THRB: variants seen among roughly 807,000 people sequenced by gnomAD.
THRB encodes the protein thyroid hormone receptor beta.
A neutral mutation model predicts 47.8 loss-of-function variants in THRB; 12 were observed. That is an observed-to-expected ratio of 0.25 (90% CI 0.16 to 0.41). The LOEUF is 0.41. THRB is among the 10% of genes least tolerant of loss of function. The pLI is 1.00. For missense variants in THRB, 348 were observed against 589.2 expected (o/e 0.59, Z 4.24); for synonymous variants, 218 against 212.2 (o/e 1.03, Z -0.24).
chr3:24,229,584 T>C (rs2048043111), intron 3 of THRB, among the ~76,000 whole-genome samples: 1 of 152,156 alleles, frequency 6.6e-6, no homozygotes, highest in Non-Finnish European at 1.5e-5. Flanking sequence ...ACTACCTTAA[T>C]GAGATCCAAG....
At chr3:24,332,929 C>CA (rs1242701638) in intron 2 of THRB, among the ~76,000 whole-genome samples, 1 of 151,896 alleles carries the variant, frequency 6.6e-6, no homozygotes, top group African/African-American at 2.4e-5. Flanking sequence ...ACTAAAAATA[C>CA]AAAAAATTAG....
At chr3:24,247,543 T>C (rs1315798737) in intron 3 of THRB, among the ~76,000 whole-genome samples, 2 of 152,224 alleles carry the variant, frequency 1.3e-5, no homozygotes, top group African/African-American at 2.4e-5. Flanking sequence ...CTTTATGCTC[T>C]AAATCACTAA....
At chr3:24,139,157 C>T (rs902430225) in intron 8 of THRB, among the ~76,000 whole-genome samples, 1 of 152,056 alleles carries the variant, frequency 6.6e-6, no homozygotes, top group Non-Finnish European at 1.5e-5. Flanking sequence ...ATTTCTGTAG[C>T]CTCAGAGATT....
At chr3:24,407,038 A>G (rs1272887519) in intron 1 of THRB, among the ~76,000 whole-genome samples, 1 of 151,872 alleles carries the variant, frequency 6.6e-6, no homozygotes, top group African/African-American at 2.4e-5. Context: ...GAAAAGGTCA[A>G]CTTCTGGGGC....
intron 9 of THRB, among the ~76,000 whole-genome samples, chr3:24,131,482 T>C (rs2033853555): frequency 6.6e-6 from 1 of 152,226 alleles, no homozygotes; most frequent in Non-Finnish European, 1.5e-5. Context: ...GTATGAGTCA[T>C]TGCTACTGCA....
intron 4 of THRB, among the ~76,000 whole-genome samples, chr3:24,225,698 G>T (rs544927740): frequency 6.6e-6 from 1 of 152,084 alleles, no homozygotes; most frequent in East Asian, 1.9e-4. Context: ...TGAGGATCAC[G>T]GTTTTATTAA....
intron 1 of THRB, among the ~76,000 whole-genome samples, chr3:24,488,215 T>C (rs1317592417): frequency 6.6e-6 from 1 of 152,216 alleles, no homozygotes; most frequent in Non-Finnish European, 1.5e-5. Context: ...ATGACTTTCT[T>C]ATAAATGCCT....
At chr3:24,210,600 G>T (rs2045921523) in intron 4 of THRB, among the ~76,000 whole-genome samples, 1 of 152,184 alleles carries the variant, frequency 6.6e-6, no homozygotes, top group Non-Finnish European at 1.5e-5. Flanking sequence ...ACAGTGCTGA[G>T]ACTGAGAAAC....
At chr3:24,252,223 C>A (rs1394115387) in intron 3 of THRB, among the ~76,000 whole-genome samples, 1 of 152,014 alleles carries the variant, frequency 6.6e-6, no homozygotes, top group Non-Finnish European at 1.5e-5. Flanking sequence ...TTAAGCCCAT[C>A]AGATATGAAA....
rs566912521 is a variant in THRB at position 24,310,444 on chromosome 3, A to T, written c.-188-13073T>A. Among the ~76,000 whole-genome samples the T allele has an allele frequency of 2.4e-3, 367 of 152,330 alleles. 1 individual carries two copies. Among genetic ancestry groups the T allele is most frequent in the African/African-American group, 8.5e-3 (354 of 41,584 alleles). On this transcript the variant is annotated intron_variant, in intron 2 of 10. Transcript: ENST00000646209. Reference sequence around the variant, plus strand: ...TCTTCCAGAACTTCAGTGACCACTCATTTGCTCTACAGCAGTGATTCTCAA... The same window carrying T: ...TCTTCCAGAACTTCAGTGACCACTCTTTTGCTCTACAGCAGTGATTCTCAA...
At chr3:24,257,881 C>G (rs529649292) in intron 3 of THRB, among the ~76,000 whole-genome samples, 1 of 152,222 alleles carries the variant, frequency 6.6e-6, no homozygotes, top group African/African-American at 2.4e-5. Context: ...ATTCATTCAG[C>G]TTCAGCTTGG....
intron 1 of THRB, among the ~76,000 whole-genome samples, chr3:24,378,773 G>A (rs1017577820): frequency 4.0e-5 from 6 of 151,750 alleles, no homozygotes; most frequent in East Asian, 1.9e-4. Flanking sequence ...TACTATTCTA[G>A]GAAACTAACT....
intron 4 of THRB, among the ~76,000 whole-genome samples, chr3:24,218,362 T>TAA (rs745492721): frequency 0.018 from 2,278 of 128,258 alleles, 82 homozygotes; most frequent in African/African-American, 0.06. Context: ...TTTTTTTTTT[T>TAA]AAAAAGAAAA....
chr3:24,135,266 C>T (rs561647105), intron 8 of THRB, among the ~76,000 whole-genome samples: 31 of 152,284 alleles, frequency 2.0e-4, no homozygotes, highest in African/African-American at 7.2e-4. Context: ...TTCTTGGTGC[C>T]AGAGCACCAG....
At chr3:24,244,440 C>T (rs2150292752) in intron 3 of THRB, among the ~76,000 whole-genome samples, 1 of 152,250 alleles carries the variant, frequency 6.6e-6, no homozygotes, top group Non-Finnish European at 1.5e-5. Flanking sequence ...CTGCCAGAGA[C>T]ATCTATTTAT....
intron 8 of THRB, 136 bp downstream of exon 8, chr3:24,143,365 A>T: frequency 1.2e-6 from 1 of 867,186 alleles, no homozygotes; most frequent in South Asian, 1.4e-5. Context: ...CAAGTTACTC[A>T]GCCTCTCAGA....
chr3:24,169,471 T>G (rs2040128036), intron 5 of THRB, among the ~76,000 whole-genome samples: 1 of 152,104 alleles, frequency 6.6e-6, no homozygotes, highest in African/African-American at 2.4e-5. Flanking sequence ...ATTGCCATAC[T>G]AGCACTGGAC....
intron 5 of THRB, among the ~76,000 whole-genome samples, chr3:24,182,367 A>G (rs968665247): frequency 5.3e-5 from 8 of 152,190 alleles, no homozygotes; most frequent in African/African-American, 1.7e-4. Context: ...GACCCTCCCA[A>G]TAATACCTTT....
intron 1 of THRB, among the ~76,000 whole-genome samples, chr3:24,393,284 C>T (rs1170783933): frequency 6.6e-6 from 1 of 152,090 alleles, no homozygotes; most frequent in African/African-American, 2.4e-5. Flanking sequence ...GACTGAATAC[C>T]CACTATCACT....
Sources: gnomAD v4.1 joint callset for allele counts (sites outside exome capture counted in the v4.1 genomes callset) on GRCh38, gnomAD v4.1.1 for gene constraint, MANE v1.5 for transcripts, NCBI Gene and HGNC (gene_info 2026-07-23, HGNC 2026-07-21) for gene names.